Variants in PRKD3 observed in about 807,000 individuals in gnomAD.
PRKD3 encodes serine/threonine-protein kinase D3.
In PRKD3, 47 loss-of-function variants were observed where a neutral mutation model predicts 99.2. The observed-to-expected ratio is 0.47, with a 90% CI of 0.38 to 0.60. The LOEUF (loss-of-function observed/expected upper bound fraction) is 0.60, where lower values mean the gene tolerates loss of function less well. Among genes scored for constraint, PRKD3 ranks in the 20% least tolerant of loss-of-function variants. PRKD3 has a pLI of 0.00. For synonymous variants in PRKD3, 392 were observed against 355.4 expected, an observed-to-expected ratio of 1.10 and a Z score of -1.16; for missense variants, 1,019 against 1,088.4, an observed-to-expected ratio of 0.94 and a Z score of 0.90.
intron 5 of PRKD3, among the ~76,000 whole-genome samples, chr2:37,288,152 T>C (rs1670210909): frequency 6.6e-6 from 1 of 151,954 alleles, no homozygotes; most frequent in Non-Finnish European, 1.5e-5. Context: ...CAACTGGGCA[T>C]AGGTGGCGTA....
chr2:37,278,678 C>G (rs1171432020), intron 8 of PRKD3: 2 of 152,252 alleles, frequency 1.3e-5, no homozygotes, highest in Non-Finnish European at 2.9e-5. Flanking sequence ...GTGGCTCACG[C>G]CTATAATCCC....
chr2:37,277,268 A>G (rs982811518), intron 9 of PRKD3, among the ~76,000 whole-genome samples: 13 of 152,274 alleles, frequency 8.5e-5, no homozygotes, highest in African/African-American at 2.9e-4. Context: ...TATTATGCCA[A>G]TTTTACACAA....
chr2:37,309,563 TTGGCCAAGCACGG>T (rs1226612714), intron 2 of PRKD3, among the ~76,000 whole-genome samples: 9 of 152,072 alleles, frequency 5.9e-5, no homozygotes, highest in Non-Finnish European at 1.3e-4. Flanking sequence ...AGAAGCATAT[TTGGCCAAGCACGG>T]TGGCCAATCA....
chr2:37,274,523 G>A lies in PRKD3; in HGVS notation c.1549C>T (p.Leu517Phe), dbSNP rs776806856. 9.3e-6 allele frequency: 15 copies of A among 1,614,130 alleles called. No homozygotes were observed. The highest frequency in any genetic ancestry group is 1.3e-5 in the Non-Finnish European group (15 of 1,180,008). ...TTTTCCCAGCTCTGTGCTACATCAA[G>A]TCCAACTCCAGTGGCAGCAAGAACA... Reference protein sequence around the residue: ...NPVLAATGVGLDVAQSWEKAI... With the variant: ...NPVLAATGVGFDVAQSWEKAI... Residue 517 changes from leucine (L) to phenylalanine (F), a missense_variant, in exon 11 of 19, where the codon CTT becomes TTT. Leu to Phe is a conservative substitution (Grantham distance 22). Transcript: ENST00000234179.
chr2:37,297,863 G>T lies in PRKD3; in HGVS notation c.289-4592C>A, dbSNP rs147791777. Among the ~76,000 whole-genome samples, 509 of 152,200 alleles carry T rather than the reference G, an allele frequency of 3.3e-3. 3 individuals carry two copies. Among genetic ancestry groups the T allele is most frequent in the Non-Finnish European group, 5.7e-3 (389 of 68,000 alleles). On this transcript the variant is annotated intron_variant, in intron 2 of 18. Transcript: ENST00000234179. ...ATGTTGGTTGAGGTAGTGTTTGTCA[G>T]GTTTCTCCACTGCAAAACTACTCTC...
intron 11 of PRKD3, among the ~76,000 whole-genome samples, chr2:37,272,990 G>A (rs538550532): frequency 6.6e-6 from 1 of 151,718 alleles, no homozygotes; most frequent in South Asian, 2.1e-4. Context: ...TTGGTGGGGG[G>A]AGGGGGGGAA....
chr2:37,286,582 T>G (rs1670106534), intron 5 of PRKD3, among the ~76,000 whole-genome samples: 1 of 152,240 alleles, frequency 6.6e-6, no homozygotes, highest in African/African-American at 2.4e-5. Context: ...CTTAAAAACA[T>G]CTAAGATATG....
At chr2:37,259,970 G>C (rs1668286475) in intron 15 of PRKD3, among the ~76,000 whole-genome samples, 1 of 152,108 alleles carries the variant, frequency 6.6e-6, no homozygotes, top group Admixed American at 6.6e-5. Flanking sequence ...TTCGAGACCA[G>C]CCTGGCCAAC....
intron 2 of PRKD3, among the ~76,000 whole-genome samples, chr2:37,313,986 A>C (rs943039822): frequency 6.6e-6 from 1 of 152,224 alleles, no homozygotes; most frequent in Non-Finnish European, 1.5e-5. Context: ...AAAGGCTGTA[A>C]AAGTCCCAAA....
At chr2:37,291,598 G>A (rs116445038) in intron 3 of PRKD3, among the ~76,000 whole-genome samples, 25 of 152,320 alleles carry the variant, frequency 1.6e-4, no homozygotes, top group African/African-American at 5.8e-4. Flanking sequence ...GGTGAGACAG[G>A]GAGTGAAACT....
chr2:37,261,798 G>C (rs1469041477), intron 14 of PRKD3, among the ~76,000 whole-genome samples: 2 of 141,290 alleles, frequency 1.4e-5, no homozygotes. Context: ...AAAAAACCCA[G>C]ACGGTCCCCA....
At chr2:37,314,928 G>C (rs139188635) in intron 2 of PRKD3, among the ~76,000 whole-genome samples, 2 of 152,078 alleles carry the variant, frequency 1.3e-5, no homozygotes, top group African/African-American at 2.4e-5. Context: ...GAATAACTTA[G>C]GCCACATGTA....
At chr2:37,254,178 C>T in intron 18 of PRKD3, 26 bp downstream of exon 18, 2 of 1,549,560 alleles carry the variant, frequency 1.3e-6, no homozygotes, top group Non-Finnish European at 1.8e-6. Flanking sequence ...TGAGGATTGC[C>T]AAAGAGAGAT....
intron 14 of PRKD3, among the ~76,000 whole-genome samples, chr2:37,265,694 A>T (rs953103618): frequency 1.3e-5 from 2 of 152,218 alleles, no homozygotes; most frequent in African/African-American, 4.8e-5. Flanking sequence ...GACATAAACA[A>T]TTTGAAGAGA....
chr2:37,308,542 C>T (rs985782304), intron 2 of PRKD3, among the ~76,000 whole-genome samples: 1 of 150,408 alleles, frequency 6.6e-6, no homozygotes, highest in African/African-American at 2.5e-5. Context: ...CCTCCCTCCC[C>T]ACCCAGAGTT....
intron 2 of PRKD3, among the ~76,000 whole-genome samples, chr2:37,314,716 T>C (rs1337193240): frequency 6.6e-6 from 1 of 152,154 alleles, no homozygotes; most frequent in African/African-American, 2.4e-5. Flanking sequence ...TATGAGTTTC[T>C]ATGGTTTCAA....
At chr2:37,268,372 T>C (rs1443923381) in intron 13 of PRKD3, 3 of 470,722 alleles carry the variant, frequency 6.4e-6, no homozygotes, top group Non-Finnish European at 1.3e-5. Context: ...AACTGACAAA[T>C]CTGAAGTTGC....
At chr2:37,286,098 T>G in intron 6 of PRKD3, 79 bp downstream of exon 6, 1 of 1,198,862 alleles carries the variant, frequency 8.3e-7, no homozygotes, top group Non-Finnish European at 1.1e-6. Flanking sequence ...CTAATGCTTC[T>G]GAAATATAAA....
In PRKD3 at chr2:37,277,993, A is replaced by C. The variant is rs1408955362; in HGVS notation, c.1173-4T>G. 1 of 1,590,830 alleles carries C rather than the reference A, an allele frequency of 6.3e-7. No homozygotes were observed. On this transcript the variant is annotated splice_polypyrimidine_tract_variant and splice_region_variant and intron_variant, in intron 8 of 18. Coordinates refer to ENST00000234179, the MANE Select transcript of PRKD3 (RefSeq NM_005813.6). ...AATATTATTGCTTGTTGATGGACTAAAAAATATTTAAAATTTGTAAGTTTG... is the reference window on the plus strand; with the variant it reads ...AATATTATTGCTTGTTGATGGACTACAAAATATTTAAAATTTGTAAGTTTG...
Sources: gnomAD v4.1 joint callset for allele counts (sites outside exome capture counted in the v4.1 genomes callset) on GRCh38, gnomAD v4.1.1 for gene constraint, MANE v1.5 for transcripts, NCBI Gene and HGNC (gene_info 2026-07-23, HGNC 2026-07-21) for gene names.